Variants in ANKRD11 observed in about 807,000 individuals in gnomAD.
The protein encoded by ANKRD11 is ankyrin repeat domain-containing protein 11.
A neutral mutation model predicts 195.7 loss-of-function variants in ANKRD11; 17 were observed. The ratio of observed to expected loss-of-function variants is 0.09; its 90% confidence interval spans 0.06 to 0.13. ANKRD11 has a LOEUF of 0.13. ANKRD11 is among the 10% of genes least tolerant of loss of function. The pLI, the probability that ANKRD11 is intolerant of heterozygous loss-of-function variation, is 1.00. For missense variants in ANKRD11, 3,735 were observed against 3,566.1 expected (o/e 1.05, Z -1.21); for synonymous variants, 1,953 against 1,528.1 (o/e 1.28, Z -6.49).
At position 89,353,952 on chromosome 16, in the gene ANKRD11, A is replaced by G. The variant is rs944126871; in HGVS notation, c.-59-36874T>C. On this transcript the variant is annotated intron_variant, in intron 2 of 12. Transcript: ENST00000301030. ...GGTGAGGGGCGGCGGGCAGAGATGG[A>G]GACATAAAGGCGGAGCTGGCTTCCA... Among the ~76,000 whole-genome samples the G allele has an allele frequency of 3.9e-5, 6 of 152,304 alleles. No homozygotes were observed. In the South Asian group the frequency reaches 1.2e-3, roughly 32 times the overall value.
chr16:89,446,870 A>G (rs2152307177), intron 1 of ANKRD11, among the ~76,000 whole-genome samples: 1 of 152,186 alleles, frequency 6.6e-6, no homozygotes, highest in Admixed American at 6.5e-5. Context: ...CAGCCCCCAC[A>G]GCTGCTTCTC....
intron 1 of ANKRD11, among the ~76,000 whole-genome samples, chr16:89,469,037 G>A (rs2056979072): frequency 6.6e-6 from 1 of 152,164 alleles, no homozygotes; most frequent in Admixed American, 6.5e-5. Flanking sequence ...GTGCCTTTAT[G>A]AAATCCCACA....
chr16:89,349,844 G>A (rs906545811), intron 2 of ANKRD11, among the ~76,000 whole-genome samples: 6 of 140,856 alleles, frequency 4.3e-5, no homozygotes, highest in Non-Finnish European at 9.2e-5. Context: ...TAAAAATACA[G>A]GCCAAATACT....
At chr16:89,364,981 G>A (rs948399847) in intron 2 of ANKRD11, among the ~76,000 whole-genome samples, 2 of 152,184 alleles carry the variant, frequency 1.3e-5, no homozygotes, top group African/African-American at 4.8e-5. Context: ...TTTTGGCATG[G>A]AAATCACATT....
intron 1 of ANKRD11, among the ~76,000 whole-genome samples, chr16:89,427,032 C>A (rs1227165028): frequency 2.6e-5 from 4 of 152,216 alleles, no homozygotes; most frequent in Admixed American, 2.6e-4. Flanking sequence ...TGGTATGCAA[C>A]AAGGTCTTCA....
intron 1 of ANKRD11, among the ~76,000 whole-genome samples, chr16:89,462,479 C>T (rs1198674207): frequency 1.3e-5 from 2 of 152,220 alleles, no homozygotes; most frequent in Non-Finnish European, 2.9e-5. Context: ...GCAACCTCTG[C>T]CCGGCCGCCA....
At chr16:89,337,287 A>G (rs1157079601) in intron 2 of ANKRD11, among the ~76,000 whole-genome samples, 2 of 151,884 alleles carry the variant, frequency 1.3e-5, no homozygotes, top group African/African-American at 4.9e-5. Flanking sequence ...CAGAAAGGAG[A>G]GGACTTCAGG....
At chr16:89,418,508 G>A in intron 1 of ANKRD11, 140 bp from the exon 2 acceptor site, 1 of 274,448 alleles carries the variant, frequency 3.6e-6, no homozygotes, top group Non-Finnish European at 7.5e-6. Context: ...TCAGCTCCTG[G>A]TCACTGTGCC....
chr16:89,441,587 A>G (rs2911268), intron 1 of ANKRD11, among the ~76,000 whole-genome samples: 111,443 of 151,656 alleles, frequency 0.73, 41,832 homozygotes, highest in Middle Eastern at 0.87. Context: ...CTAACATGGT[A>G]AAACCCCACC....
chr16:89,418,168 CA>C, intron 2 of ANKRD11, 115 bp downstream of exon 2: 1 of 415,744 alleles, frequency 2.4e-6, no homozygotes, highest in Non-Finnish European at 5.0e-6. Flanking sequence ...AACATTTCGA[CA>C]AAACTCTATC....
chr16:89,403,557 AAAAAGTACACCACC>A (rs1567756475), intron 2 of ANKRD11: 1 of 152,254 alleles, frequency 6.6e-6, no homozygotes, highest in African/African-American at 2.4e-5. Context: ...GCTTAAAAAA[AAAAAGTACACCACC>A]AAACAGACAA....
intron 2 of ANKRD11, among the ~76,000 whole-genome samples, chr16:89,407,696 C>A (rs1045400566): frequency 2.6e-5 from 4 of 151,952 alleles, no homozygotes; most frequent in African/African-American, 7.2e-5. Context: ...TAGACACACA[C>A]AGAATTAGCC....
chr16:89,483,975 G>GA (rs568867905), intron 1 of ANKRD11, among the ~76,000 whole-genome samples: 113 of 152,226 alleles, frequency 7.4e-4, no homozygotes, highest in African/African-American at 2.6e-3. Flanking sequence ...TTATAGTGAA[G>GA]AAAAAATCCA....
chr16:89,380,166 G>A (rs2040583903), intron 2 of ANKRD11, among the ~76,000 whole-genome samples: 1 of 152,120 alleles, frequency 6.6e-6, no homozygotes, highest in African/African-American at 2.4e-5. Flanking sequence ...AGGCTGGAGA[G>A]CGATGGCGTG....
chr16:89,473,828 T>C (rs1183443999), intron 1 of ANKRD11, among the ~76,000 whole-genome samples: 1 of 152,188 alleles, frequency 6.6e-6, no homozygotes, highest in Non-Finnish European at 1.5e-5. Flanking sequence ...GGGTGGGACC[T>C]GTGACGTGCT....
intron 1 of ANKRD11, among the ~76,000 whole-genome samples, chr16:89,437,877 T>C (rs1035945665): frequency 3.3e-5 from 5 of 152,216 alleles, no homozygotes; most frequent in African/African-American, 7.2e-5. Context: ...TGCAGGGCAA[T>C]GCATAATGCA....
intron 2 of ANKRD11, among the ~76,000 whole-genome samples, chr16:89,347,922 G>A (rs1283234219): frequency 6.6e-6 from 1 of 151,794 alleles, no homozygotes; most frequent in Non-Finnish European, 1.5e-5. Flanking sequence ...CTTTCCTCAT[G>A]AATAGGTATG....
chr16:89,354,296 G>T (rs1261652210), intron 2 of ANKRD11, among the ~76,000 whole-genome samples: 2 of 146,246 alleles, frequency 1.4e-5, no homozygotes, highest in African/African-American at 2.5e-5. Flanking sequence ...TCTCACCCTA[G>T]AATTTGAAAA....
At position 89,283,479 on chromosome 16, in the gene ANKRD11, C is replaced by A; in HGVS notation, c.3063G>T (p.Glu1021Asp). 6.2e-7 allele frequency: 1 copy of A among 1,614,160 alleles called. No homozygotes were observed. The highest frequency in any genetic ancestry group is 8.5e-7 in the Non-Finnish European group (1 of 1,180,044). The change falls in exon 9 of 13, where the codon GAG becomes GAT. Residue 1021 changes from glutamate (E) to aspartate (D), a missense_variant. Glu to Asp is a conservative substitution (Grantham distance 45, BLOSUM62 2). Coordinates refer to ENST00000301030, the MANE Select transcript of ANKRD11 (RefSeq NM_013275.6). The surrounding 1 kb of genome is among the most constrained non-coding windows in gnomAD (Gnocchi z 4.3). The stretch of plus-strand genomic sequence containing the variant: ...CTTTGTATCTTTCTGGTTTTGTCTT[C>A]TCCTTCCTTTCCTTATCGGGGCCAT... ...KKDGPDKERK[E>D]KTKPERYKEK...
Sources: allele counts gnomAD v4.1 joint callset (sites outside exome capture counted in the v4.1 genomes callset), GRCh38; gene constraint gnomAD v4.1.1; non-coding constraint Gnocchi (gnomAD v3.1); transcripts MANE v1.5; gene names NCBI Gene and HGNC (gene_info 2026-07-23, HGNC 2026-07-21).